Variants in ZDHHC21 observed in about 807,000 individuals in gnomAD.
The protein encoded by ZDHHC21 is palmitoyltransferase ZDHHC21.
A neutral mutation model predicts 34.6 loss-of-function variants in ZDHHC21; 15 were observed. That is an observed-to-expected ratio of 0.43 (90% confidence interval 0.29 to 0.67). The LOEUF is 0.67. ZDHHC21 is among the 30% of genes least tolerant of loss of function. The pLI is 0.14. For missense variants in ZDHHC21, 344 were observed against 327.7 expected (o/e 1.05, Z -0.38); for synonymous variants, 142 against 101.8 (o/e 1.40, Z -2.38).
At chr9:14,692,886 G>A (rs1291725080) in intron 1 of ZDHHC21, among the ~76,000 whole-genome samples, 1 of 151,102 alleles carries the variant, frequency 6.6e-6, no homozygotes, top group Non-Finnish European at 1.5e-5. Flanking sequence ...GAGAAACTCA[G>A]GATACAGATT....
the ZDHHC21 span, among the ~76,000 whole-genome samples, chr9:14,605,979 T>C: frequency 3.0e-4 from 45 of 152,196 alleles, 1 homozygote; most frequent in Middle Eastern, 6.8e-3. Flanking sequence ...GCATAATAGT[T>C]AAAAAAACAA....
intron 8 of ZDHHC21, among the ~76,000 whole-genome samples, chr9:14,627,197 A>C (rs1490510123): frequency 6.6e-6 from 1 of 152,190 alleles, no homozygotes; most frequent in African/African-American, 2.4e-5. Flanking sequence ...AAATCGACTG[A>C]TTCGTAAAAT....
At chr9:14,658,659 G>C in intron 7 of ZDHHC21, 90 bp downstream of exon 7, 1 of 1,055,152 alleles carries the variant, frequency 9.5e-7, no homozygotes, top group Non-Finnish European at 1.4e-6. Flanking sequence ...TTTTAGTAGA[G>C]ACGGGGTTTC....
chr9:14,620,130 A>G (rs1337058171), intron 8 of ZDHHC21, among the ~76,000 whole-genome samples: 1 of 152,038 alleles, frequency 6.6e-6, no homozygotes, highest in African/African-American at 2.4e-5. Flanking sequence ...TGTAAACAAC[A>G]ACAAAACTCA....
chr9:14,658,818 A>T lies in ZDHHC21; in HGVS notation c.435T>A (p.Leu145=). Residue 145 remains leucine (L), a synonymous_variant, in exon 7 of 10, where the codon CTT becomes CTA. Coordinates refer to ENST00000380916, the MANE Select transcript of ZDHHC21 (RefSeq NM_178566.6). ...AAGAAAACATCAGTGCGTAGCAAGT[A>T]AGAAGTTCAGTGTAGAAACACAACT... ...FLQLCFYTEL[L]TCYALMFSFC... 6.2e-7 allele frequency: 1 copy of T among 1,614,030 alleles called. No homozygotes were observed. Among genetic ancestry groups the T allele is most frequent in the Non-Finnish European group, 8.5e-7 (1 of 1,179,948 alleles).
At chr9:14,659,761 C>T (rs1023218722) in intron 6 of ZDHHC21, among the ~76,000 whole-genome samples, 9 of 152,160 alleles carry the variant, frequency 5.9e-5, no homozygotes, top group African/African-American at 1.9e-4. Flanking sequence ...CAGACCTGAA[C>T]TGAAAAACCT....
At chr9:14,619,218 C>T in intron 9 of ZDHHC21, 120 bp from the exon 10 acceptor site, 1 of 1,073,740 alleles carries the variant, frequency 9.3e-7, no homozygotes, top group East Asian at 2.7e-5. Context: ...GTCCCAGCAT[C>T]ATAAATACAG....
intron 7 of ZDHHC21, among the ~76,000 whole-genome samples, chr9:14,654,784 G>A (rs537454809): frequency 5.3e-5 from 8 of 152,028 alleles, no homozygotes; most frequent in African/African-American, 1.9e-4. Context: ...TAAACCAGAG[G>A]ATAAATTAAT....
chr9:14,629,795 T>C (rs895900813), intron 8 of ZDHHC21, among the ~76,000 whole-genome samples: 7 of 152,050 alleles, frequency 4.6e-5, no homozygotes, highest in African/African-American at 1.4e-4. Flanking sequence ...ACACCTGTAA[T>C]CCCAGCATTT....
intron 9 of ZDHHC21, 147 bp from the exon 10 acceptor site, chr9:14,619,245 G>T: frequency 1.1e-6 from 1 of 902,562 alleles, no homozygotes. Flanking sequence ...TTTCATTATG[G>T]CATGCAGCTG....
Position 14,612,890 on chromosome 9 carries a change from C to CTT in ZDHHC21, c.*6075_*6076insAA, listed in dbSNP as rs3081719. 96,869 of 150,200 alleles carry CTT rather than the reference C, an allele frequency of 0.64. 32,238 individuals are homozygous for CTT. The highest frequency in any genetic ancestry group is 0.81 in the African/African-American group (33,338 of 40,952). 9.3% of individuals were successfully genotyped at this position (150,200 alleles called of 1,614,324 possible). ...CACACACACACACACACGCTGAACT[C>CTT]GATTTGTAATGAGAACGAACCTTAA... On this transcript the variant is annotated 3_prime_UTR_variant, in exon 10 of 10. Coordinates refer to ENST00000380916, the MANE Select transcript of ZDHHC21 (RefSeq NM_178566.6).
intron 8 of ZDHHC21, among the ~76,000 whole-genome samples, chr9:14,622,880 T>C (rs776809802): frequency 4.6e-5 from 7 of 152,018 alleles, no homozygotes; most frequent in African/African-American, 7.2e-5. Context: ...TTGAAGACAG[T>C]TCAATCTAAC....
rs550205364 is a variant in ZDHHC21, at chr9:14,621,289, A to G, written c.622-1607T>C. The stretch of plus-strand genomic sequence containing the variant: ...TATTCCATGGTATATAAGGCAAATG[A>G]AAGGTCAGACTACTCTCACCAGCTA... On this transcript the variant is annotated intron_variant, in intron 8 of 9. Transcript: ENST00000380916. Among the ~76,000 whole-genome samples the G allele has an allele frequency of 1.2e-4, 19 of 152,138 alleles. No homozygotes were observed. The South Asian group carries it at 3.9e-3, about 32-fold the overall frequency.
At chr9:14,623,900 T>C (rs886957552) in intron 8 of ZDHHC21, among the ~76,000 whole-genome samples, 8 of 152,030 alleles carry the variant, frequency 5.3e-5, no homozygotes, top group African/African-American at 1.9e-4. Flanking sequence ...GGGAAGAACC[T>C]TTACTCTTGT....
chr9:14,590,443 A>G, the ZDHHC21 span, among the ~76,000 whole-genome samples: 1 of 152,218 alleles, frequency 6.6e-6, no homozygotes, highest in Non-Finnish European at 1.5e-5. Context: ...AATGAAAACC[A>G]CACCAAGACA....
At chr9:14,667,356 C>T (rs1834646331) in intron 5 of ZDHHC21, among the ~76,000 whole-genome samples, 1 of 151,278 alleles carries the variant, frequency 6.6e-6, no homozygotes, top group Non-Finnish European at 1.5e-5. Flanking sequence ...TGGCAATAAT[C>T]AATAGTTTAC....
chr9:14,600,243 A>G, the ZDHHC21 span, among the ~76,000 whole-genome samples: 3 of 152,218 alleles, frequency 2.0e-5, no homozygotes, highest in Non-Finnish European at 1.5e-5. Context: ...ACATGACTGT[A>G]TATTTAGAAA....
At chr9:14,622,747 T>C (rs1401376154) in intron 8 of ZDHHC21, 11 of 985,138 alleles carry the variant, frequency 1.1e-5, no homozygotes, top group African/African-American at 1.7e-5. Context: ...CTCTTTTGAG[T>C]CTGGAAGTAA....
chr9:14,601,332 C>G, the ZDHHC21 span, among the ~76,000 whole-genome samples: 1 of 152,014 alleles, frequency 6.6e-6, no homozygotes, highest in Non-Finnish European at 1.5e-5. Context: ...AAAAAGTGTG[C>G]AAAGGATATG....
Sources: allele counts gnomAD v4.1 joint callset (sites outside exome capture counted in the v4.1 genomes callset), GRCh38; gene constraint gnomAD v4.1.1; transcripts MANE v1.5; gene names NCBI Gene and HGNC (gene_info 2026-07-23, HGNC 2026-07-21).